The following SLC28A1 variants were observed in gnomAD, a reference collection of about 807,000 sequenced individuals.
The protein encoded by SLC28A1 is solute carrier family 28 member 1.
In SLC28A1, 64 loss-of-function variants were observed where a neutral mutation model predicts 74.8. That is an observed-to-expected ratio of 0.86 (90% confidence interval 0.70 to 1.05). The LOEUF is 1.05. SLC28A1 is among the 50% of genes least tolerant of loss of function. The pLI is 0.00. For synonymous variants in SLC28A1, 359 were observed against 335.0 expected, an observed-to-expected ratio of 1.07 and a Z score of -0.78; for missense variants, 828 against 822.8, an observed-to-expected ratio of 1.01 and a Z score of -0.08.
the SLC28A1 span, among the ~76,000 whole-genome samples, chr15:84,955,563 G>A: frequency 6.6e-6 from 1 of 152,274 alleles, no homozygotes; most frequent in African/African-American, 2.4e-5. Flanking sequence ...GTTCCTCACG[G>A]AGCAGTGGAA....
downstream of SLC28A1, among the ~76,000 whole-genome samples, chr15:84,947,412 C>G (rs2079270091): frequency 6.6e-6 from 1 of 152,224 alleles, no homozygotes; most frequent in Admixed American, 6.5e-5. Context: ...CCTTGACCCC[C>G]TTCTCTGGAC....
At chr15:84,916,856 T>C (rs1034325888) in intron 9 of SLC28A1, among the ~76,000 whole-genome samples, 29 of 151,758 alleles carry the variant, frequency 1.9e-4, no homozygotes, top group Non-Finnish European at 3.4e-4. Flanking sequence ...GGTGAAACCT[T>C]GTCTCTACTA....
In SLC28A1 at chr15:84,908,737, A is replaced by C. The variant is rs771314989; in HGVS notation, c.737A>C (p.Lys246Thr). ...TTTCAGATCTTCCTGAGCTACACGAAGGCTGGCTCCAGCTTCGTGTTTGGG... is the reference window on the plus strand; with the variant it reads ...TTTCAGATCTTCCTGAGCTACACGACGGCTGGCTCCAGCTTCGTGTTTGGG... ...EQIRIFLSYT[K>T]AGSSFVFGEA... The change falls in exon 9 of 19, where the codon AAG (lysine) becomes ACG (threonine). Residue 246 changes from lysine to threonine, a missense_variant. Physicochemically the swap from Lys to Thr is moderately conservative, Grantham distance 78. This residue lies in a region of SLC28A1 where 767 missense variants were observed against 753.5 expected (regional missense o/e 1.02). Coordinates refer to ENST00000394573, the MANE Select transcript of SLC28A1 (RefSeq NM_004213.5). The C allele has an allele frequency of 1.2e-6, 2 of 1,613,832 alleles. No homozygotes were observed. Among genetic ancestry groups the C allele is most frequent in the South Asian group, 1.1e-5 (1 of 91,086 alleles).
At chr15:84,900,460 C>A (rs1966559115) in intron 6 of SLC28A1, among the ~76,000 whole-genome samples, 1 of 143,284 alleles carries the variant, frequency 7.0e-6, no homozygotes, top group Non-Finnish European at 1.5e-5. Context: ...AAAGGAAATT[C>A]TTCGAAGAGA....
chr15:84,889,339 C>T (rs978828417), intron 4 of SLC28A1, among the ~76,000 whole-genome samples: 2 of 152,228 alleles, frequency 1.3e-5, no homozygotes, highest in Non-Finnish European at 2.9e-5. Flanking sequence ...CCTCCTGATG[C>T]CTGGGCCATC....
At chr15:84,955,047 C>T in the SLC28A1 span, among the ~76,000 whole-genome samples, 2 of 152,196 alleles carry the variant, frequency 1.3e-5, no homozygotes, top group African/African-American at 2.4e-5. Flanking sequence ...GTGGCTGCCA[C>T]GCTGTGAGGA....
downstream of SLC28A1, among the ~76,000 whole-genome samples, chr15:84,946,834 C>T (rs74024769): frequency 0.028 from 4,223 of 152,230 alleles, 190 homozygotes; most frequent in African/African-American, 0.095. Flanking sequence ...TCTCCATCTC[C>T]CTGCCGCCTG....
At chr15:84,916,240 C>CAGGTGTGAGCCACCATGCCTGGCCATTT in intron 9 of SLC28A1, among the ~76,000 whole-genome samples, 1 of 98,410 alleles carries the variant, frequency 1.0e-5, no homozygotes, top group East Asian at 2.9e-4. Flanking sequence ...GCTGGGATTA[C>CAGGTGTGAGCCACCATGCCTGGCCATTT]TTTTTTTTTT....
intron 11 of SLC28A1, among the ~76,000 whole-genome samples, chr15:84,921,807 C>A (rs758533302): frequency 6.6e-6 from 1 of 152,126 alleles, no homozygotes; most frequent in Non-Finnish European, 1.5e-5. Flanking sequence ...TGAAGATAGA[C>A]GTGCTCTCAG....
At chr15:84,946,264 C>T (rs1019184957), downstream of SLC28A1, among the ~76,000 whole-genome samples, 11 of 150,244 alleles carry the variant, frequency 7.3e-5, no homozygotes, top group Non-Finnish European at 1.0e-4. Flanking sequence ...CCATAAGAAC[C>T]TTTTTGATGG....
intron 6 of SLC28A1, among the ~76,000 whole-genome samples, chr15:84,898,524 A>T (rs1370762170): frequency 1.3e-5 from 2 of 150,680 alleles, no homozygotes; most frequent in Non-Finnish European, 2.9e-5. Context: ...GCTTGCAGTG[A>T]GCTGAGATCT....
chr15:84,906,504 G>GTTTCTTTCTTTCTTTC (rs1567139474), intron 8 of SLC28A1, among the ~76,000 whole-genome samples: 5 of 10,616 alleles, frequency 4.7e-4, no homozygotes, highest in Admixed American at 1.6e-3. Flanking sequence ...AACATGGTTT[G>GTTTCTTTCTTTCTTTC]TTTGTTTGTT....
At chr15:84,891,445 T>A (rs1965355768) in intron 5 of SLC28A1, among the ~76,000 whole-genome samples, 1 of 152,030 alleles carries the variant, frequency 6.6e-6, no homozygotes, top group African/African-American at 2.4e-5. Flanking sequence ...GGAAGGGGGA[T>A]AATTAGGATA....
At chr15:84,961,057 G>A in the SLC28A1 span, among the ~76,000 whole-genome samples, 1 of 152,096 alleles carries the variant, frequency 6.6e-6, no homozygotes, top group African/African-American at 2.4e-5. Flanking sequence ...TGTGTCCTCG[G>A]GCAAGATAAT....
intron 12 of SLC28A1, among the ~76,000 whole-genome samples, chr15:84,928,077 C>T (rs1292180640): frequency 6.6e-6 from 1 of 152,232 alleles, no homozygotes; most frequent in Non-Finnish European, 1.5e-5. Flanking sequence ...TGGCTTAAAA[C>T]TCAGCCCTCT....
rs550726731 is a variant in SLC28A1 at position 84,888,528 on chromosome 15, G to A, written c.97-244G>A. 1.1e-4 allele frequency among the ~76,000 whole-genome samples: 17 copies of A among 152,306 alleles called. No individual in the cohort carries two copies. The South Asian group carries it at 3.5e-3, about 32-fold the overall frequency. On this transcript the variant is annotated intron_variant, in intron 3 of 18. Transcript: ENST00000394573. ...CCCTCTCAGTCACAGCTGGGCCGCA[G>A]GTGTCTGTCCCTGCGCAGACCATGA...
At chr15:84,917,726 T>A (rs1969316981) in intron 9 of SLC28A1, among the ~76,000 whole-genome samples, 1 of 152,172 alleles carries the variant, frequency 6.6e-6, no homozygotes, top group East Asian at 1.9e-4. Context: ...TTTAGTGCAC[T>A]AGGGTATGTC....
At position 84,933,244 on chromosome 15, in the gene SLC28A1, A is replaced by G. The variant is rs747575110; in HGVS notation, c.1183A>G (p.Arg395Gly). The G allele has an allele frequency of 3.7e-6, 6 of 1,613,440 alleles. No individual in the cohort carries two copies. The highest frequency in any genetic ancestry group is 5.1e-6 in the Non-Finnish European group (6 of 1,179,730). ...CCCGGAGGTGGAGGAGTCCAAGTTT[A>G]GGAGGGAGGAAGGAGTGAAACTGAC... ...VYPEVEESKF[R>G]REEGVKLTYG... Residue 395 changes from arginine (R) to glycine (G), a missense_variant, in exon 13 of 19, where the codon AGG becomes GGG. Physicochemically the swap from Arg to Gly is moderately radical, Grantham distance 125. Transcript: ENST00000394573.
chr15:84,956,446 T>TTCCTTCCTTCCTTCCTTCCTTCCTTC, the SLC28A1 span, among the ~76,000 whole-genome samples: 4 of 84,900 alleles, frequency 4.7e-5, no homozygotes, highest in African/African-American at 1.6e-4. Context: ...TTCCTTCCTT[T>TTCCTTCCTTCCTTCCTTCCTTCCTTC]CTTTCTTTCT....
Sources: gnomAD v4.1 joint callset for allele counts (sites outside exome capture counted in the v4.1 genomes callset) on GRCh38, gnomAD v4.1.1 for gene constraint, gnomAD v4.1.1 regional missense constraint, MANE v1.5 for transcripts, NCBI Gene and HGNC (gene_info 2026-07-23, HGNC 2026-07-21) for gene names.